HMGCLL1: variants seen among roughly 807,000 people sequenced by gnomAD.
HMGCLL1 encodes the protein 3-hydroxy-3-methylglutaryl-CoA lyase like 1.
In HMGCLL1, 36 loss-of-function variants were observed where a neutral mutation model predicts 39.1. The observed-to-expected ratio is 0.92, with a 90% confidence interval of 0.71 to 1.22. HMGCLL1 has a LOEUF of 1.22. Among genes scored for constraint, HMGCLL1 ranks in the 50% most tolerant of loss-of-function variants. HMGCLL1 has a pLI of 0.00. For synonymous variants in HMGCLL1, 149 were observed against 144.0 expected (o/e 1.03, Z -0.25); for missense variants, 451 against 416.5 (o/e 1.08, Z -0.72).
At chr6:55,439,323 G>T in intron 8 of HMGCLL1, 111 bp downstream of exon 8, 1 of 1,075,740 alleles carries the variant, frequency 9.3e-7, no homozygotes, top group Non-Finnish European at 1.3e-6. Flanking sequence ...TTAGCAAATA[G>T]CAAAAGTGTA....
upstream of HMGCLL1, among the ~76,000 whole-genome samples, chr6:55,583,396 C>A (rs1772018087): frequency 6.6e-6 from 1 of 151,346 alleles, no homozygotes; most frequent in African/African-American, 2.4e-5. Context: ...CTTCCTATGT[C>A]CGTGTGTTCT....
At chr6:55,667,177 T>A in the HMGCLL1 span, among the ~76,000 whole-genome samples, 2 of 151,796 alleles carry the variant, frequency 1.3e-5, no homozygotes, top group Non-Finnish European at 1.5e-5. Flanking sequence ...CTTTAATTTA[T>A]GAATCACTTG....
At chr6:55,482,649 T>G (rs574793729) in intron 7 of HMGCLL1, among the ~76,000 whole-genome samples, 1 of 152,258 alleles carries the variant, frequency 6.6e-6, no homozygotes, top group South Asian at 2.1e-4. Context: ...ATGTTTCCTT[T>G]AAGAATGTTT....
At chr6:55,437,518 T>TA (rs1763419605) in intron 8 of HMGCLL1, among the ~76,000 whole-genome samples, 1 of 151,852 alleles carries the variant, frequency 6.6e-6, no homozygotes, top group South Asian at 2.1e-4. Flanking sequence ...ATGGAGGATA[T>TA]ATGGGGCACT....
At chr6:55,598,008 G>T in the HMGCLL1 span, among the ~76,000 whole-genome samples, 1 of 152,128 alleles carries the variant, frequency 6.6e-6, no homozygotes, top group African/African-American at 2.4e-5. Context: ...TTGGACTAGT[G>T]AGTGAAAATC....
At chr6:55,560,474 T>A (rs1453376090) in intron 1 of HMGCLL1, among the ~76,000 whole-genome samples, 1 of 152,204 alleles carries the variant, frequency 6.6e-6, no homozygotes, top group Non-Finnish European at 1.5e-5. Context: ...ATTTCAGTTT[T>A]TTATAAGTTC....
the HMGCLL1 span, among the ~76,000 whole-genome samples, chr6:55,653,321 A>C: frequency 6.2e-4 from 95 of 152,204 alleles, no homozygotes; most frequent in Admixed American, 3.9e-3. Context: ...GACAAGAGCA[A>C]ACACAGAAAT....
At chr6:55,555,611 T>A (rs974426780) in intron 1 of HMGCLL1, among the ~76,000 whole-genome samples, 23 of 152,338 alleles carry the variant, frequency 1.5e-4, no homozygotes, top group Admixed American at 3.9e-4. Context: ...GTACAATTCA[T>A]CCAATCAGAT....
At position 55,576,995 on chromosome 6, in the gene HMGCLL1, G is replaced by C. The variant is rs1771789632; in HGVS notation, c.108+1953C>G. On this transcript the variant is annotated intron_variant, in intron 1 of 8. Transcript: ENST00000274901. Reference sequence around the variant, plus strand: ...TCTAGAAAACACTGGTACACAAACAGTAATCAAATCAGTGAGTGTAGATTG... The same window carrying C: ...TCTAGAAAACACTGGTACACAAACACTAATCAAATCAGTGAGTGTAGATTG... 8 of 1,564,380 alleles carry C rather than the reference G, an allele frequency of 5.1e-6. No individual in the cohort carries two copies. In the East Asian group the frequency reaches 1.6e-4, roughly 31 times the overall value.
chr6:55,623,749 CATATATGTGTGT>C, the HMGCLL1 span, among the ~76,000 whole-genome samples: 1 of 150,758 alleles, frequency 6.6e-6, no homozygotes, highest in Non-Finnish European at 1.5e-5. Context: ...TATGTGTGTA[CATATATGTGTGT>C]ATATATGTGC....
chr6:55,499,604 A>G (rs11752331), intron 5 of HMGCLL1, among the ~76,000 whole-genome samples: 21,686 of 152,016 alleles, frequency 0.14, 1,785 homozygotes, highest in African/African-American at 0.24. Flanking sequence ...AGCAGAAAAT[A>G]CCAGTGAAAT....
chr6:55,523,653 T>C (rs1170688724), intron 3 of HMGCLL1, among the ~76,000 whole-genome samples: 1 of 151,986 alleles, frequency 6.6e-6, no homozygotes, highest in African/African-American at 2.4e-5. Context: ...TAAAACCCAG[T>C]ATATCATATA....
At chr6:55,469,292 C>T (rs183984571) in intron 7 of HMGCLL1, among the ~76,000 whole-genome samples, 5 of 150,398 alleles carry the variant, frequency 3.3e-5, no homozygotes, top group Non-Finnish European at 3.0e-5. Flanking sequence ...TTTTTTGCTT[C>T]CCATCTACAT....
chr6:55,603,499 TAC>T, the HMGCLL1 span, among the ~76,000 whole-genome samples: 1 of 152,148 alleles, frequency 6.6e-6, no homozygotes, highest in South Asian at 2.1e-4. Context: ...ACCTCTTCTG[TAC>T]ACTCAACACA....
intron 5 of HMGCLL1, among the ~76,000 whole-genome samples, chr6:55,508,853 T>C (rs2127432972): frequency 6.6e-6 from 1 of 151,840 alleles, no homozygotes; most frequent in South Asian, 2.1e-4. Flanking sequence ...AAAATTCTAC[T>C]TCTTGCCCAG....
At chr6:55,447,528 C>A (rs953157422) in intron 7 of HMGCLL1, among the ~76,000 whole-genome samples, 1 of 151,944 alleles carries the variant, frequency 6.6e-6, no homozygotes, top group East Asian at 1.9e-4. Flanking sequence ...TATATTTCTA[C>A]CTTCACTGGA....
At chr6:55,642,431 A>T in the HMGCLL1 span, among the ~76,000 whole-genome samples, 1 of 152,140 alleles carries the variant, frequency 6.6e-6, no homozygotes, top group South Asian at 2.1e-4. Context: ...ATTATGAGTC[A>T]ATCTGAATGA....
chr6:55,522,847 C>T (rs1768106632), intron 3 of HMGCLL1, among the ~76,000 whole-genome samples: 1 of 151,826 alleles, frequency 6.6e-6, no homozygotes, highest in Admixed American at 6.6e-5. Flanking sequence ...TGTAGCTCTG[C>T]TGAAGATGAG....
the HMGCLL1 span, among the ~76,000 whole-genome samples, chr6:55,599,744 T>C: frequency 6.6e-6 from 1 of 152,218 alleles, no homozygotes; most frequent in African/African-American, 2.4e-5. Context: ...ATTTTTCTTG[T>C]GAAAAATTCT....
Sources: gnomAD v4.1 joint callset for allele counts (sites outside exome capture counted in the v4.1 genomes callset) on GRCh38, gnomAD v4.1.1 for gene constraint, MANE v1.5 for transcripts, NCBI Gene and HGNC (gene_info 2026-07-23, HGNC 2026-07-21) for gene names.